The following PPFIBP2 variants were observed in gnomAD, a reference collection of about 807,000 sequenced individuals.
PPFIBP2 encodes liprin-beta-2.
In PPFIBP2, 118 loss-of-function variants were observed where a neutral mutation model predicts 118.3. That is an observed-to-expected ratio of 1.00 (90% CI 0.86 to 1.16). PPFIBP2 has a LOEUF of 1.16. Ranked by LOEUF, PPFIBP2 falls within the 50% of genes most tolerant of loss-of-function variation. The pLI is 0.00. For missense variants in PPFIBP2, 1,195 were observed against 1,073.1 expected (o/e 1.11, Z -1.59); for synonymous variants, 414 against 397.4 (o/e 1.04, Z -0.50).
chr11:7,520,160 G>A (rs1849616397), intron 1 of PPFIBP2, among the ~76,000 whole-genome samples: 1 of 152,212 alleles, frequency 6.6e-6, no homozygotes, highest in Non-Finnish European at 1.5e-5. Flanking sequence ...GAGCGCCTGG[G>A]TGCAGGCAGG....
At chr11:7,655,443 C>T (rs746186673), downstream of PPFIBP2, 75 of 1,289,816 alleles carry the variant, frequency 5.8e-5, no homozygotes, top group Middle Eastern at 6.4e-4. Flanking sequence ...ATGGCACCTT[C>T]GGAAGGTACC....
downstream of PPFIBP2, among the ~76,000 whole-genome samples, chr11:7,657,546 A>G (rs1450429982): frequency 6.6e-6 from 1 of 152,164 alleles, no homozygotes; most frequent in African/African-American, 2.4e-5. Flanking sequence ...AGCTCCCCCA[A>G]GTGGAAGGCC....
chr11:7,638,435 C>T (rs894486025), intron 14 of PPFIBP2, among the ~76,000 whole-genome samples: 1 of 152,174 alleles, frequency 6.6e-6, no homozygotes, highest in Non-Finnish European at 1.5e-5. Flanking sequence ...TGTATCTCTC[C>T]TTTCTGAACT....
At chr11:7,541,385 G>A (rs551456593) in intron 1 of PPFIBP2, among the ~76,000 whole-genome samples, 1 of 152,220 alleles carries the variant, frequency 6.6e-6, no homozygotes, top group Non-Finnish European at 1.5e-5. Context: ...AGGTGAGGCT[G>A]TGTGAGCAGA....
At chr11:7,527,458 G>A (rs1850330596) in intron 1 of PPFIBP2, among the ~76,000 whole-genome samples, 1 of 152,038 alleles carries the variant, frequency 6.6e-6, no homozygotes, top group African/African-American at 2.4e-5. Context: ...GGAATCAGTA[G>A]GATTGTGACA....
chr11:7,634,770 T>A (rs748890750), intron 13 of PPFIBP2, among the ~76,000 whole-genome samples: 2 of 152,134 alleles, frequency 1.3e-5, no homozygotes, highest in African/African-American at 2.4e-5. Flanking sequence ...CTGGAGTTGA[T>A]GAGAGAAGAT....
intron 4 of PPFIBP2, among the ~76,000 whole-genome samples, chr11:7,594,272 T>TGTC (rs1394782705): frequency 3.8e-5 from 5 of 132,808 alleles, no homozygotes. Flanking sequence ...TTTCCAGTGT[T>TGTC]GTTGGTTTTT....
intron 6 of PPFIBP2, among the ~76,000 whole-genome samples, chr11:7,612,927 A>C (rs1848231634): frequency 6.6e-6 from 1 of 152,264 alleles, no homozygotes; most frequent in Non-Finnish European, 1.5e-5. Flanking sequence ...TGTCATGTGC[A>C]TGGAGATGTT....
intron 6 of PPFIBP2, among the ~76,000 whole-genome samples, chr11:7,618,885 G>GTTTTTTTTTTTTTTTTT (rs36101082): frequency 8.0e-6 from 1 of 124,552 alleles, no homozygotes; most frequent in Non-Finnish European, 1.6e-5. Flanking sequence ...CCATCCAGAA[G>GTTTTTTTTTTTTTTTTT]TTTTTTTTTT....
Position 7,649,067 on chromosome 11 carries a change from T to A in PPFIBP2, c.1910-80T>A, listed in dbSNP as rs150719626. The A allele has an allele frequency of 1.2e-5, 18 of 1,445,010 alleles. No individual in the cohort carries two copies. The Admixed American group carries it at 3.4e-4, about 27-fold the overall frequency. 89.5% of individuals were successfully genotyped at this position (1,445,010 alleles called of 1,614,324 possible). ...GGGGAATAAAACGAACCTCAAAATA[T>A]AATTTGCTCCCCTTTTTTTGGTGTC... On this transcript the variant is annotated intron_variant, in intron 19 of 23. Transcript: ENST00000299492.
At chr11:7,577,972 T>C (rs558215352) in intron 3 of PPFIBP2, among the ~76,000 whole-genome samples, 1 of 152,294 alleles carries the variant, frequency 6.6e-6, no homozygotes, top group Admixed American at 6.5e-5. Context: ...GCTTTTCAGT[T>C]TGAGGACACA....
chr11:7,624,582 G>T (rs1010991127), intron 7 of PPFIBP2, among the ~76,000 whole-genome samples: 3 of 152,320 alleles, frequency 2.0e-5, no homozygotes, highest in Non-Finnish European at 4.4e-5. Flanking sequence ...CCAACACATG[G>T]GGAAGGGGTG....
At chr11:7,642,146 G>A in intron 16 of PPFIBP2, 152 bp from the exon 17 acceptor site, 1 of 896,390 alleles carries the variant, frequency 1.1e-6, no homozygotes, top group Non-Finnish European at 1.7e-6. Context: ...AGCTGCGACA[G>A]GTTGTGATCC....
chr11:7,523,465 T>C (rs1849946795), intron 1 of PPFIBP2, among the ~76,000 whole-genome samples: 1 of 152,230 alleles, frequency 6.6e-6, no homozygotes, highest in African/African-American at 2.4e-5. Flanking sequence ...TCTTTTGAGC[T>C]TTGTAGTGGG....
rs921262588 is a variant in PPFIBP2 at position 7,620,980 on chromosome 11, T to A, written c.664T>A (p.Leu222Met). The A allele has an allele frequency of 6.2e-7, 1 of 1,612,944 alleles. No individual in the cohort carries two copies. Among genetic ancestry groups the A allele is most frequent in the Non-Finnish European group, 8.5e-7 (1 of 1,179,290 alleles). The change falls in exon 7 of 24, where the codon TTG becomes ATG. Residue 222 changes from leucine to methionine, a missense_variant. Leu to Met is a conservative substitution (Grantham distance 15). Coordinates refer to ENST00000299492, the MANE Select transcript of PPFIBP2 (RefSeq NM_003621.5). ...LRHLKIKVEE[L>M]ENERNQYEWK... Reference sequence around the variant, plus strand: ...GCACCTCAAAATCAAAGTGGAAGAGTTGGAAAATGAAAGGAATCAGTATGA... The same window carrying A: ...GCACCTCAAAATCAAAGTGGAAGAGATGGAAAATGAAAGGAATCAGTATGA...
At chr11:7,584,155 A>G (rs1442811960) in intron 3 of PPFIBP2, among the ~76,000 whole-genome samples, 1 of 152,206 alleles carries the variant, frequency 6.6e-6, no homozygotes, top group East Asian at 1.9e-4. Context: ...GCAGGGACTA[A>G]ATCATTGTTT....
At chr11:7,615,681 G>T (rs1848556353) in intron 6 of PPFIBP2, among the ~76,000 whole-genome samples, 1 of 152,178 alleles carries the variant, frequency 6.6e-6, no homozygotes, top group Non-Finnish European at 1.5e-5. Context: ...GACAAAACTA[G>T]GAAAACTGCC....
chr11:7,533,554 T>C (rs1850944784), intron 1 of PPFIBP2, among the ~76,000 whole-genome samples: 1 of 152,118 alleles, frequency 6.6e-6, no homozygotes, highest in South Asian at 2.1e-4. Context: ...TCATAAATAA[T>C]ATAGACAGCT....
At chr11:7,548,814 T>C (rs1031995291) in intron 1 of PPFIBP2, among the ~76,000 whole-genome samples, 1 of 152,118 alleles carries the variant, frequency 6.6e-6, no homozygotes, top group Non-Finnish European at 1.5e-5. Flanking sequence ...AGAGTGGATC[T>C]AAGATGGTCA....
Sources: gnomAD v4.1 joint callset for allele counts (sites outside exome capture counted in the v4.1 genomes callset) on GRCh38, gnomAD v4.1.1 for gene constraint, MANE v1.5 for transcripts, NCBI Gene and HGNC (gene_info 2026-07-23, HGNC 2026-07-21) for gene names.